E2F7: variants seen among roughly 807,000 people sequenced by gnomAD.
The protein encoded by E2F7 is transcription factor E2F7.
Under a neutral mutation model 81.1 loss-of-function variants are expected in E2F7, and 35 were observed. That is an observed-to-expected ratio of 0.43 (90% CI 0.33 to 0.57). E2F7 has a LOEUF of 0.57. E2F7 is among the 20% of genes least tolerant of loss of function. The probability of loss-of-function intolerance (pLI) is 0.04; values close to 1 mark genes in which losing one functional copy is unlikely to be tolerated. For missense variants in E2F7, 961 were observed against 1,093.7 expected, an observed-to-expected ratio of 0.88 and a Z score of 1.71; for synonymous variants, 416 against 416.2, an observed-to-expected ratio of 1.00 and a Z score of 0.01.
At chr12:77,044,445 A>T in intron 6 of E2F7, 192 bp downstream of exon 6, 2 of 649,690 alleles carry the variant, frequency 3.1e-6, no homozygotes, top group Non-Finnish European at 5.2e-6. Flanking sequence ...AAAGGCACTG[A>T]CAGGACTCTA....
At chr12:77,030,434 T>C (rs1954797605) in intron 9 of E2F7, 102 bp from the exon 10 acceptor site, 1 of 1,406,402 alleles carries the variant, frequency 7.1e-7, no homozygotes, top group East Asian at 2.3e-5. Flanking sequence ...GAGATAATAC[T>C]CCTCAGGCAG....
chr12:77,054,756 C>T lies in E2F7; in HGVS notation c.369+1099G>A, dbSNP rs570428374. 2.6e-5 allele frequency among the ~76,000 whole-genome samples: 4 copies of T among 152,208 alleles called. No individual in the cohort carries two copies. In the East Asian group the frequency reaches 7.7e-4, roughly 29 times the overall value. ...TTCCCATTGGCTGATTTTCACTTTG[C>T]TATATTTTTGTCAAAAAAATTACAA... On this transcript the variant is annotated intron_variant, in intron 3 of 12. Coordinates refer to ENST00000322886, the MANE Select transcript of E2F7 (RefSeq NM_203394.3).
rs1041755552 is a variant in E2F7 at position 77,065,489 on chromosome 12, T to C, written c.-145A>G. 4 of 152,408 alleles carry C rather than the reference T, an allele frequency of 2.6e-5. No individual in the cohort carries two copies. The highest frequency in any genetic ancestry group is 4.8e-5 in the African/African-American group (2 of 41,438). 9.4% of individuals were successfully genotyped at this position (152,408 alleles called of 1,614,324 possible). A position where few individuals can be genotyped will look rare whatever the true frequency, so the allele number is the denominator to read the frequency against. On this transcript the variant is annotated 5_prime_UTR_variant, in exon 1 of 13. Coordinates refer to ENST00000322886, the MANE Select transcript of E2F7 (RefSeq NM_203394.3). ...GCGCAGATCCCCGCGCCGAGTGCCCTGGGCTGGCGGGGACCCCGCGGCGTC... is the reference window on the plus strand; with the variant it reads ...GCGCAGATCCCCGCGCCGAGTGCCCCGGGCTGGCGGGGACCCCGCGGCGTC...
At chr12:77,047,678 G>C (rs1409647064) in intron 4 of E2F7, among the ~76,000 whole-genome samples, 39 of 152,200 alleles carry the variant, frequency 2.6e-4, no homozygotes, top group Non-Finnish European at 1.0e-4. Context: ...CTCCAGAGCT[G>C]ATAGGAAGTT....
chr12:77,022,470 A>G lies in E2F7; in HGVS notation c.*1545T>C, dbSNP rs1954720713. On this transcript the variant is annotated 3_prime_UTR_variant, in exon 13 of 13. Transcript: ENST00000322886. ...GGTAATAAGGCTAATATTATCCTGTAGTTAATATAAAGCTACTTTATTCAG... is the reference window on the plus strand; with the variant it reads ...GGTAATAAGGCTAATATTATCCTGTGGTTAATATAAAGCTACTTTATTCAG... 6.6e-6 allele frequency: 1 copy of G among 152,614 alleles called. No homozygotes were observed. The highest frequency in any genetic ancestry group is 1.5e-5 in the Non-Finnish European group (1 of 68,038). 9.5% of individuals were successfully genotyped at this position (152,614 alleles called of 1,614,324 possible).
intron 11 of E2F7, among the ~76,000 whole-genome samples, chr12:77,026,446 G>A (rs1393982375): frequency 6.6e-6 from 1 of 152,010 alleles, no homozygotes; most frequent in Non-Finnish European, 1.5e-5. Flanking sequence ...GGGACCACAA[G>A]CATGCCACCA....
In E2F7 at chr12:77,025,957, T is replaced by C; in HGVS notation, c.2166A>G (p.Leu722=). 6.2e-7 allele frequency: 1 copy of C among 1,611,766 alleles called. No individual in the cohort carries two copies. Among genetic ancestry groups the C allele is most frequent in the Non-Finnish European group, 8.5e-7 (1 of 1,178,940 alleles). ...CAGTAGGGGGGGTTTGACTGCCAGA[T>C]AAAAGTACATTGAAACCATTTAATC... is the stretch of plus-strand genomic sequence containing the variant. The part of the protein sequence containing the change: ...PAGLNGFNVL[L]SGSQTPPTVG... The change falls in exon 12 of 13, where the codon TTA becomes TTG. Residue 722 remains leucine (L), a synonymous_variant. Transcript: ENST00000322886.
At chr12:77,059,738 C>T (rs1955063118) in intron 2 of E2F7, among the ~76,000 whole-genome samples, 1 of 152,110 alleles carries the variant, frequency 6.6e-6, no homozygotes, top group Non-Finnish European at 1.5e-5. Flanking sequence ...GCAGGCGGAT[C>T]ACGAGGTCAG....
chr12:77,064,665 T>G (rs775467566), intron 1 of E2F7, 30 bp from the exon 2 acceptor site: 2 of 1,592,084 alleles, frequency 1.3e-6, no homozygotes, highest in Non-Finnish European at 1.7e-6. Context: ...TAGAAAATGA[T>G]TTTGCAATTA....
chr12:77,059,325 T>C (rs566727102), intron 2 of E2F7, among the ~76,000 whole-genome samples: 39 of 152,342 alleles, frequency 2.6e-4, no homozygotes, highest in Non-Finnish European at 4.7e-4. Context: ...TGTCCTGCTA[T>C]GCTGACAGCA....
At chr12:77,039,079 A>C (rs1446918518) in intron 7 of E2F7, among the ~76,000 whole-genome samples, 1 of 152,202 alleles carries the variant, frequency 6.6e-6, no homozygotes, top group Non-Finnish European at 1.5e-5. Context: ...ATATGTCGTC[A>C]ATTTGTTTTT....
chr12:77,030,497 C>T (rs1481545725), intron 9 of E2F7, among the ~76,000 whole-genome samples, 165 bp from the exon 10 acceptor site: 1 of 152,104 alleles, frequency 6.6e-6, no homozygotes, highest in Non-Finnish European at 1.5e-5. Context: ...AGTTAGACGC[C>T]CAGGTATGGC....
chr12:77,032,908 G>T, intron 9 of E2F7, 142 bp downstream of exon 9: 1 of 654,912 alleles, frequency 1.5e-6, no homozygotes, highest in Non-Finnish European at 2.6e-6. Context: ...ACAGTGTAGG[G>T]CACAAAGAGA....
chr12:77,054,361 T>A (rs1955014334), intron 3 of E2F7, among the ~76,000 whole-genome samples: 1 of 152,014 alleles, frequency 6.6e-6, no homozygotes, highest in Non-Finnish European at 1.5e-5. Context: ...TGTATTTGTA[T>A]ATACTAGAAA....
Position 77,044,645 on chromosome 12 carries a change from T to A in E2F7, c.980A>T (p.Lys327Ile). ...GAGGTGAAGATTCTTACTTTTAAAT[T>A]TACTATGGTCTGGGGCATCTTGGCT... ...EESQDAPDHS[K>I]FKTKVRRLYD... is the part of the protein sequence containing the mutation. Residue 327 changes from lysine to isoleucine, a missense_variant, in exon 6 of 13, where the codon AAA (lysine) becomes ATA (isoleucine). Physicochemically the swap from Lys to Ile is moderately radical, Grantham distance 102. This residue lies in a region of E2F7 where 301 missense variants were observed against 405.0 expected (regional missense o/e 0.74). Transcript: ENST00000322886. 6.2e-7 allele frequency: 1 copy of A among 1,613,876 alleles called. No individual in the cohort carries two copies. Among genetic ancestry groups the A allele is most frequent in the Non-Finnish European group, 8.5e-7 (1 of 1,179,946 alleles).
At chr12:77,065,090 G>A (rs1260593770) in intron 1 of E2F7, among the ~76,000 whole-genome samples, 1 of 152,138 alleles carries the variant, frequency 6.6e-6, no homozygotes, top group Non-Finnish European at 1.5e-5. Flanking sequence ...CCCTTCCCAG[G>A]CCTCCAAGCA....
intron 6 of E2F7, 29 bp from the exon 7 acceptor site, chr12:77,043,228 A>T: frequency 6.2e-7 from 1 of 1,613,654 alleles, no homozygotes; most frequent in South Asian, 1.1e-5. Flanking sequence ...GATTACGGTC[A>T]TGCTGCCTGT....
In E2F7 at chr12:77,046,150, T is replaced by A. The variant is rs751904308; in HGVS notation, c.717A>T (p.Gln239His). 6.2e-7 allele frequency: 1 copy of A among 1,614,228 alleles called. No individual in the cohort carries two copies. The highest frequency in any genetic ancestry group is 2.2e-5 in the East Asian group (1 of 44,878). ...AATCTATCAGGTCCAGCTCTTTCTG[T>A]TGGAGGTAGGCCATTTGCTCTTCAT... The part of the protein sequence containing the change: ...QKYEEQMAYL[Q>H]QKELDLIDYK... The change falls in exon 5 of 13, where the codon CAA (glutamine) becomes CAT (histidine). Residue 239 changes from glutamine to histidine, a missense_variant. By Grantham distance (24) the Gln-to-His change is conservative. Coordinates refer to ENST00000322886, the MANE Select transcript of E2F7 (RefSeq NM_203394.3).
At chr12:77,059,240 C>T (rs1400851042) in intron 2 of E2F7, among the ~76,000 whole-genome samples, 1 of 152,080 alleles carries the variant, frequency 6.6e-6, no homozygotes, top group Admixed American at 6.6e-5. Flanking sequence ...AAAAAAATGC[C>T]AACCCAATTG....
Sources: gnomAD v4.1 joint callset for allele counts (sites outside exome capture counted in the v4.1 genomes callset) on GRCh38, gnomAD v4.1.1 for gene constraint, gnomAD v4.1.1 regional missense constraint, MANE v1.5 for transcripts, NCBI Gene and HGNC (gene_info 2026-07-23, HGNC 2026-07-21) for gene names.